GALNT13: variants seen among roughly 807,000 people sequenced by gnomAD.
GALNT13 encodes the protein UDP-GalNAc:polypeptide N-acetylgalactosaminyltransferase 13.
GALNT13 carries 28 observed loss-of-function variants against 64.2 expected under a neutral mutation model. The ratio of observed to expected loss-of-function variants is 0.44; its 90% CI spans 0.32 to 0.60. The LOEUF (loss-of-function observed/expected upper bound fraction) is 0.60, where lower values mean the gene tolerates loss of function less well. Among genes scored for constraint, GALNT13 ranks in the 20% least tolerant of loss-of-function variants. GALNT13 has a pLI of 0.05. For missense variants in GALNT13, 577 were observed against 669.8 expected (o/e 0.86, Z 1.53); for synonymous variants, 214 against 224.6 (o/e 0.95, Z 0.42).
intron 3 of GALNT13, among the ~76,000 whole-genome samples, chr2:153,995,442 A>G (rs1014586692): frequency 6.6e-6 from 1 of 152,130 alleles, no homozygotes; most frequent in Non-Finnish European, 1.5e-5. Context: ...AGACATTGTC[A>G]TTTCTCTCAG....
At chr2:154,366,370 C>T (rs1381898752) in intron 9 of GALNT13, among the ~76,000 whole-genome samples, 3 of 152,110 alleles carry the variant, frequency 2.0e-5, no homozygotes, top group African/African-American at 7.2e-5. Flanking sequence ...ATGTATATGT[C>T]ACTCGCTATA....
chr2:153,642,679 A>G, the GALNT13 span, among the ~76,000 whole-genome samples: 1 of 152,064 alleles, frequency 6.6e-6, no homozygotes, highest in South Asian at 2.1e-4. Flanking sequence ...TTTGCAATTT[A>G]TTGATAGAGC....
intron 3 of GALNT13, among the ~76,000 whole-genome samples, chr2:154,002,541 G>A (rs914108116): frequency 9.2e-5 from 14 of 151,676 alleles, no homozygotes; most frequent in Admixed American, 7.9e-4. Flanking sequence ...TTATTCCTAG[G>A]TTGTTTTTCT....
At chr2:154,029,385 A>G (rs967371193) in intron 3 of GALNT13, among the ~76,000 whole-genome samples, 13 of 152,002 alleles carry the variant, frequency 8.6e-5, no homozygotes, top group African/African-American at 3.1e-4. Flanking sequence ...TGTAAAAGGA[A>G]GACCTAAAGT....
At chr2:153,584,028 A>G in the GALNT13 span, among the ~76,000 whole-genome samples, 1 of 152,148 alleles carries the variant, frequency 6.6e-6, no homozygotes, top group Non-Finnish European at 1.5e-5. Context: ...CTGACTGAAG[A>G]GTTGGATGGG....
At chr2:154,312,803 A>G (rs1194368417) in intron 9 of GALNT13, among the ~76,000 whole-genome samples, 1 of 152,154 alleles carries the variant, frequency 6.6e-6, no homozygotes, top group Non-Finnish European at 1.5e-5. Context: ...CCGGGCCATA[A>G]CCATGAACAG....
the GALNT13 span, among the ~76,000 whole-genome samples, chr2:153,243,846 T>C: frequency 6.6e-6 from 1 of 152,276 alleles, no homozygotes; most frequent in Non-Finnish European, 1.5e-5. Flanking sequence ...TGAGCCCATG[T>C]ACCTGAATAA....
intron 11 of GALNT13, among the ~76,000 whole-genome samples, chr2:154,414,791 T>C (rs1021591458): frequency 2.0e-5 from 3 of 151,358 alleles, no homozygotes; most frequent in Non-Finnish European, 4.4e-5. Flanking sequence ...TGTTTACAGT[T>C]TTTTTTATAT....
At chr2:153,079,067 T>C in the GALNT13 span, among the ~76,000 whole-genome samples, 8,714 of 152,122 alleles carry the variant, frequency 0.057, 278 homozygotes, top group Middle Eastern at 0.11. Context: ...TATGGCAAGG[T>C]CAGTAGATTA....
At chr2:154,080,371 G>C (rs1242283116) in intron 3 of GALNT13, among the ~76,000 whole-genome samples, 1 of 151,562 alleles carries the variant, frequency 6.6e-6, no homozygotes, top group Non-Finnish European at 1.5e-5. Context: ...CCAAAGAGTG[G>C]AAGTATTTTC....
the GALNT13 span, among the ~76,000 whole-genome samples, chr2:153,259,011 T>C: frequency 6.6e-6 from 1 of 152,192 alleles, no homozygotes; most frequent in Non-Finnish European, 1.5e-5. Flanking sequence ...GTCGGTTCTC[T>C]TTCTGGATGA....
the GALNT13 span, among the ~76,000 whole-genome samples, chr2:153,857,560 CT>C: frequency 6.6e-5 from 10 of 152,272 alleles, no homozygotes; most frequent in South Asian, 2.1e-3. Flanking sequence ...GCTTTAACCA[CT>C]TAGATCAAAG....
the GALNT13 span, among the ~76,000 whole-genome samples, chr2:153,080,401 T>C: frequency 1.3e-5 from 2 of 152,136 alleles, no homozygotes; most frequent in Admixed American, 6.5e-5. Flanking sequence ...AAAGAAATAC[T>C]GTGATTTGGT....
At chr2:154,034,805 G>GA (rs1012058175) in intron 3 of GALNT13, among the ~76,000 whole-genome samples, 1 of 136,860 alleles carries the variant, frequency 7.3e-6, no homozygotes, top group African/African-American at 3.3e-5. Context: ...GTAGTCCATT[G>GA]AAAAAATGCT....
chr2:154,300,617 A>G (rs1693389903), intron 8 of GALNT13, among the ~76,000 whole-genome samples: 1 of 151,724 alleles, frequency 6.6e-6, no homozygotes, highest in Non-Finnish European at 1.5e-5. Flanking sequence ...GTATGCACAT[A>G]TATAGAAATA....
the GALNT13 span, among the ~76,000 whole-genome samples, chr2:153,169,423 T>C: frequency 1.3e-5 from 2 of 152,102 alleles, no homozygotes; most frequent in Non-Finnish European, 1.5e-5. Flanking sequence ...TGAGGCTTGA[T>C]TGAAATAAGA....
At chr2:153,489,590 T>A in the GALNT13 span, among the ~76,000 whole-genome samples, 2 of 152,166 alleles carry the variant, frequency 1.3e-5, no homozygotes. Context: ...TATTTCATTG[T>A]TGTAGTCAGT....
chr2:153,269,168 A>G, the GALNT13 span, among the ~76,000 whole-genome samples: 1 of 150,648 alleles, frequency 6.6e-6, no homozygotes, highest in Non-Finnish European at 1.5e-5. Flanking sequence ...AAAACTTTTT[A>G]TGTTCTACTT....
chr2:153,339,128 G>A, the GALNT13 span, among the ~76,000 whole-genome samples: 1 of 152,136 alleles, frequency 6.6e-6, no homozygotes, highest in Non-Finnish European at 1.5e-5. Context: ...AGATCCTTTG[G>A]ATATATATCC....
Sources: allele counts gnomAD v4.1 joint callset (sites outside exome capture counted in the v4.1 genomes callset), GRCh38; gene constraint gnomAD v4.1.1; transcripts MANE v1.5; gene names NCBI Gene and HGNC (gene_info 2026-07-23, HGNC 2026-07-21).